CTNNA3: variants seen among roughly 807,000 people sequenced by gnomAD.
CTNNA3 encodes catenin alpha 3, also known as catenin alpha-3.
A neutral mutation model predicts 95.7 loss-of-function variants in CTNNA3; 76 were observed. The observed-to-expected ratio is 0.79, with a 90% CI of 0.66 to 0.96. The LOEUF (loss-of-function observed/expected upper bound fraction) is 0.96. CTNNA3 is among the 40% of genes least tolerant of loss of function. The pLI, the probability that CTNNA3 is intolerant of heterozygous loss-of-function variation, is 0.00. For synonymous variants in CTNNA3, 431 were observed against 374.4 expected (o/e 1.15, Z -1.74); for missense variants, 1,191 against 1,089.8 (o/e 1.09, Z -1.31).
intron 12 of CTNNA3, among the ~76,000 whole-genome samples, chr10:66,330,249 G>A (rs1179394222): frequency 6.7e-6 from 1 of 150,270 alleles, no homozygotes; most frequent in Non-Finnish European, 1.5e-5. Context: ...GCCCCGGTGT[G>A]TGATGTTCCC....
intron 2 of CTNNA3, among the ~76,000 whole-genome samples, chr10:67,618,552 C>T (rs1381077158): frequency 1.3e-5 from 2 of 152,158 alleles, no homozygotes; most frequent in Admixed American, 1.3e-4. Flanking sequence ...CTTAGATGGT[C>T]AGATTTACTC....
chr10:67,726,702 T>TATATATA (rs1841231063), intron 1 of CTNNA3, among the ~76,000 whole-genome samples: 8 of 1,950 alleles, frequency 4.1e-3, no homozygotes, highest in African/African-American at 0.014. Flanking sequence ...TTATATATAA[T>TATATATA]ATATATCATA....
intron 1 of CTNNA3, among the ~76,000 whole-genome samples, chr10:67,701,299 G>A (rs138342276): frequency 1.4e-4 from 21 of 152,230 alleles, no homozygotes; most frequent in Middle Eastern, 3.4e-3. Context: ...TCCTCGAGAA[G>A]AGCAACACCA....
intron 13 of CTNNA3, among the ~76,000 whole-genome samples, chr10:66,242,213 A>T (rs571537174): frequency 6.6e-6 from 1 of 152,276 alleles, no homozygotes; most frequent in East Asian, 1.9e-4. Flanking sequence ...TAAAAAATAA[A>T]TTTCTTTTCT....
chr10:67,584,703 C>T (rs1441614377), intron 3 of CTNNA3, among the ~76,000 whole-genome samples: 1 of 152,194 alleles, frequency 6.6e-6, no homozygotes, highest in African/African-American at 2.4e-5. Flanking sequence ...CCTTGAGCTG[C>T]AGTGGGCTTC....
intron 7 of CTNNA3, among the ~76,000 whole-genome samples, chr10:67,058,214 C>G (rs527370658): frequency 1.3e-5 from 2 of 152,244 alleles, no homozygotes; most frequent in South Asian, 4.1e-4. Flanking sequence ...TGAAACACCC[C>G]CAACCACTAC....
At chr10:67,039,859 T>A (rs891996210) in intron 7 of CTNNA3, among the ~76,000 whole-genome samples, 8 of 152,148 alleles carry the variant, frequency 5.3e-5, no homozygotes, top group Non-Finnish European at 1.2e-4. Context: ...CCAAGACCGT[T>A]ACAGATTAAT....
At chr10:65,955,462 C>T (rs138162441) in intron 17 of CTNNA3, among the ~76,000 whole-genome samples, 8,434 of 152,104 alleles carry the variant, frequency 0.055, 798 homozygotes, top group African/African-American at 0.19. Context: ...CCCTGTCTTG[C>T]GCCAGTTTTC....
At chr10:66,179,964 C>A (rs1564735519) in intron 13 of CTNNA3, among the ~76,000 whole-genome samples, 1 of 151,912 alleles carries the variant, frequency 6.6e-6, no homozygotes, top group Non-Finnish European at 1.5e-5. Context: ...AGTAGATGTG[C>A]CAGCTTTGCT....
At chr10:66,139,953 TG>T (rs1303549670) in intron 13 of CTNNA3, among the ~76,000 whole-genome samples, 2 of 152,306 alleles carry the variant, frequency 1.3e-5, no homozygotes, top group African/African-American at 4.8e-5. Context: ...TATGTGGCAA[TG>T]GGGGCTTTTG....
intron 15 of CTNNA3, among the ~76,000 whole-genome samples, chr10:66,058,189 C>T (rs2080123156): frequency 6.6e-6 from 1 of 152,084 alleles, no homozygotes; most frequent in Non-Finnish European, 1.5e-5. Flanking sequence ...AGCCATAGAA[C>T]ATACAGATTT....
intron 10 of CTNNA3, among the ~76,000 whole-genome samples, chr10:66,543,617 CT>C (rs1287631855): frequency 1.4e-4 from 21 of 151,694 alleles, no homozygotes; most frequent in Non-Finnish European, 2.8e-4. Context: ...GAAATTTCTA[CT>C]TTAAAATTTT....
chr10:66,841,256 T>C (rs1843057794), intron 7 of CTNNA3, among the ~76,000 whole-genome samples: 1 of 151,652 alleles, frequency 6.6e-6, no homozygotes, highest in South Asian at 2.1e-4. Flanking sequence ...AACTGCAGTA[T>C]ATGTAGGGTT....
chr10:66,578,799 T>TTGTTGTTGTTG lies in CTNNA3; in HGVS notation c.1374+42892_1374+42893insCAACAACAACA, dbSNP rs773867373. Among the ~76,000 whole-genome samples the TTGTTGTTGTTG allele has an allele frequency of 1.4e-5, 2 of 141,306 alleles. 1 individual carries two copies. Among genetic ancestry groups the TTGTTGTTGTTG allele is most frequent in the African/African-American group, 5.2e-5 (2 of 38,536 alleles). 92.7% of individuals were successfully genotyped at this position (141,306 alleles called of 152,430 possible). A position where few individuals can be genotyped will look rare whatever the true frequency, so the allele number is the denominator to read the frequency against. On this transcript the variant is annotated intron_variant, in intron 10 of 17. Coordinates refer to ENST00000433211, the MANE Select transcript of CTNNA3 (RefSeq NM_013266.4). Reference sequence around the variant, plus strand: ...ATTTTTCTTTCTTTTTTTTTTTTTGTTTGTTGTTGTTGTTGTGTCTCTGTC... The same window carrying TTGTTGTTGTTG: ...ATTTTTCTTTCTTTTTTTTTTTTTGTTGTTGTTGTTGTTGTTGTTGTTGTTGTGTCTCTGTC...
chr10:65,933,150 T>C (rs1480465100), intron 17 of CTNNA3, among the ~76,000 whole-genome samples: 1 of 152,060 alleles, frequency 6.6e-6, no homozygotes, highest in Non-Finnish European at 1.5e-5. Flanking sequence ...AACAATATAA[T>C]GATAATAGCA....
chr10:66,189,200 C>T lies in CTNNA3; in HGVS notation c.1885-85951G>A, dbSNP rs547499936. Among the ~76,000 whole-genome samples the T allele has an allele frequency of 6.2e-4, 94 of 150,610 alleles. 1 individual carries two copies. The highest frequency in any genetic ancestry group is 6.9e-3 in the Middle Eastern group (2 of 288). On this transcript the variant is annotated intron_variant, in intron 13 of 17. Transcript: ENST00000433211. ...GCTTTTACATTTTGTTGACTATTTG[C>T]TGTGCAGAAGCTTTTTAGTTTGATT...
intron 7 of CTNNA3, among the ~76,000 whole-genome samples, chr10:67,092,978 A>G (rs1857746287): frequency 6.7e-6 from 1 of 149,770 alleles, no homozygotes; most frequent in African/African-American, 2.5e-5. Context: ...AATGCTTTCT[A>G]GAGAGTAAGT....
intron 7 of CTNNA3, among the ~76,000 whole-genome samples, chr10:66,929,774 T>C (rs150292917): frequency 1.3e-5 from 2 of 152,322 alleles, no homozygotes; most frequent in African/African-American, 2.4e-5. Context: ...TTTTATGTCA[T>C]TGGTGAAAGT....
chr10:66,638,957 C>A (rs1018215120), intron 9 of CTNNA3, among the ~76,000 whole-genome samples: 1 of 151,738 alleles, frequency 6.6e-6, no homozygotes, highest in Non-Finnish European at 1.5e-5. Flanking sequence ...TTTTTTTAAT[C>A]TTTGCACTTT....
Sources: allele counts gnomAD v4.1 joint callset (sites outside exome capture counted in the v4.1 genomes callset), GRCh38; gene constraint gnomAD v4.1.1; transcripts MANE v1.5; gene names NCBI Gene and HGNC (gene_info 2026-07-23, HGNC 2026-07-21).